RIN1: variants seen among roughly 807,000 people sequenced by gnomAD.
The protein encoded by RIN1 is ras inhibitor 1.
In RIN1, 52 loss-of-function variants were observed where a neutral mutation model predicts 64.9. The observed-to-expected ratio is 0.80, with a 90% CI of 0.64 to 1.01. The LOEUF (loss-of-function observed/expected upper bound fraction) is 1.01, where lower values mean the gene tolerates loss of function less well. Ranked by LOEUF, RIN1 falls within the 50% of genes least tolerant of loss-of-function variation. The pLI is 0.00. For missense variants in RIN1, 1,040 were observed against 1,064.5 expected (o/e 0.98, Z 0.32); for synonymous variants, 486 against 483.6 (o/e 1.00, Z -0.06).
In RIN1 at chr11:66,334,291, G is replaced by T. The variant is rs895342025; in HGVS notation, c.1286-67C>A. ...ATGGGGGGCAGAGGCAAGGGGAGAA[G>T]GGAGCAGGGGTAGAATCGGGGAGGA... On this transcript the variant is annotated intron_variant, in intron 6 of 9. Transcript: ENST00000311320. The T allele has an allele frequency of 3.0e-6, 4 of 1,330,146 alleles. No individual in the cohort carries two copies. The East Asian group carries it at 1.0e-4, about 34-fold the overall frequency. The allele number at this position is 1,330,146 out of a possible 1,614,324, so 82.4% of individuals were successfully genotyped here. A position where few individuals can be genotyped will look rare whatever the true frequency, so the allele number is the denominator to read the frequency against.
In RIN1 at chr11:66,333,910, G is replaced by A. The variant is rs1230707474; in HGVS notation, c.1591+9C>T. ...GGCAGGGCAGGGTGAGGTGGTGGCA[G>A]GGACATACCTTCCTGGGTCCTCAGG... On this transcript the variant is annotated intron_variant, in intron 7 of 9. Coordinates refer to ENST00000311320, the MANE Select transcript of RIN1 (RefSeq NM_004292.3). The A allele has an allele frequency of 6.6e-7, 1 of 1,509,826 alleles. No individual in the cohort carries two copies. Among genetic ancestry groups the A allele is most frequent in the Non-Finnish European group, 8.9e-7 (1 of 1,127,918 alleles). 93.5% of individuals were successfully genotyped at this position (1,509,826 alleles called of 1,614,324 possible).
At position 66,335,700 on chromosome 11, in the gene RIN1, T is replaced by A. The variant is rs1448543187; in HGVS notation, c.383-18A>T. ...GGAGACGCCTGAGAGAGGAGGGAAGTGAGGTGCTTCTCTGGGGAACCTCCC... is the reference window on the plus strand; with the variant it reads ...GGAGACGCCTGAGAGAGGAGGGAAGAGAGGTGCTTCTCTGGGGAACCTCCC... On this transcript the variant is annotated intron_variant, in intron 3 of 9. Transcript: ENST00000311320. 4 of 1,612,698 alleles carry A rather than the reference T, an allele frequency of 2.5e-6. No homozygotes were observed. Among genetic ancestry groups the A allele is most frequent in the Non-Finnish European group, 2.5e-6 (3 of 1,179,448 alleles).
intron 6 of RIN1, 93 bp downstream of exon 6, chr11:66,334,421 A>G: frequency 6.7e-7 from 1 of 1,490,756 alleles, no homozygotes; most frequent in South Asian, 1.2e-5. Flanking sequence ...GGATTTGTAA[A>G]GCAGCAGAAC....
In RIN1 at chr11:66,336,377, G is replaced by A. The variant is rs554788577; in HGVS notation, c.26C>T (p.Ala9Val). MESPGESG[A>V]GSPGAPSPSS... ...CGGGCTGGGGGCTCCAGGAGAGCCCGCGCCTGACTCTCCAGGGCTTTCCAT... is the reference window on the plus strand; with the variant it reads ...CGGGCTGGGGGCTCCAGGAGAGCCCACGCCTGACTCTCCAGGGCTTTCCAT... Residue 9 changes from alanine (A) to valine (V), a missense_variant, in exon 1 of 10, where the codon GCG becomes GTG. By Grantham distance (64) the Ala-to-Val change is moderately conservative. Coordinates refer to ENST00000311320, the MANE Select transcript of RIN1 (RefSeq NM_004292.3). 47 of 1,613,532 alleles carry A rather than the reference G, an allele frequency of 2.9e-5. No homozygotes were observed. The African/African-American group carries it at 2.9e-4, about 10-fold the overall frequency.
At chr11:66,334,348 G>T in intron 6 of RIN1, 124 bp from the exon 7 acceptor site, 1 of 1,227,466 alleles carries the variant, frequency 8.1e-7, no homozygotes, top group Admixed American at 2.6e-5. Flanking sequence ...GGTAGCCTGG[G>T]TGAGACGGAA....
At chr11:66,333,197 A>T in intron 9 of RIN1, 61 bp downstream of exon 9, 1 of 1,576,148 alleles carries the variant, frequency 6.3e-7, no homozygotes, top group East Asian at 2.2e-5. Context: ...TTCACCAAGG[A>T]CAGGAAGGTG....
intron 9 of RIN1, 147 bp from the exon 10 acceptor site, chr11:66,332,899 T>C (rs1411692721): frequency 2.9e-6 from 2 of 683,044 alleles, no homozygotes; most frequent in Admixed American, 3.0e-5. Context: ...AAAAGCTCTA[T>C]GTGCTCCAGG....
Position 66,334,957 on chromosome 11 carries a change from A to G in RIN1, c.842T>C (p.Leu281Pro). 2 of 1,583,324 alleles carry G rather than the reference A, an allele frequency of 1.3e-6. No individual in the cohort carries two copies. Among genetic ancestry groups the G allele is most frequent in the Non-Finnish European group, 1.7e-6 (2 of 1,165,086 alleles). ...CCTCCGTAGCAGCTGGCAAGGGGGC[A>G]GCCGCTCTGTCTGGCTGGGGACTGC... ...PGAVPSQTER[L>P]PPCQLLRRES... The change falls in exon 6 of 10, where the codon CTG becomes CCG. Residue 281 changes from leucine to proline, a missense_variant. Leu to Pro is a moderately conservative substitution (Grantham distance 98, BLOSUM62 -3). Transcript: ENST00000311320.
chr11:66,334,150 G>C lies in RIN1; in HGVS notation c.1360C>G (p.Arg454Gly), dbSNP rs761735439. 2 of 1,539,064 alleles carry C rather than the reference G, an allele frequency of 1.3e-6. No individual in the cohort carries two copies. The highest frequency in any genetic ancestry group is 1.7e-6 in the Non-Finnish European group (2 of 1,146,392). ...LRPILAARLR[R>G]RLAADGSLGR... ...AGGGAGCCGTCTGCGGCAAGCCGGC[G>C]CCGCAGGCGGGCTGCCAGGATGGGC... is the stretch of plus-strand genomic sequence containing the variant. The change falls in exon 7 of 10, where the codon CGC becomes GGC. Residue 454 changes from arginine (R) to glycine (G), a missense_variant. Transcript: ENST00000311320.
chr11:66,334,982 C>G lies in RIN1; in HGVS notation c.817G>C (p.Ala273Pro). 1 of 1,558,786 alleles carries G rather than the reference C, an allele frequency of 6.4e-7. No individual in the cohort carries two copies. The highest frequency in any genetic ancestry group is 1.7e-4 in the Middle Eastern group (1 of 5,796). Residue 273 changes from alanine to proline, a missense_variant, in exon 6 of 10, where the codon GCA (alanine) becomes CCA (proline). By Grantham distance (27) the Ala-to-Pro change is conservative. Transcript: ENST00000311320. ...AGCCGCTCTGTCTGGCTGGGGACTG[C>G]CCCTGGCAGCACGGGGACGGGGGGA... Reference protein sequence around the residue: ...PPPPVPVLPGAVPSQTERLPP... With the variant: ...PPPPVPVLPGPVPSQTERLPP...
In RIN1 at chr11:66,334,868, G is replaced by C; in HGVS notation, c.931C>G (p.Leu311Val). The C allele has an allele frequency of 1.3e-6, 2 of 1,564,360 alleles. No individual in the cohort carries two copies. Among genetic ancestry groups the C allele is most frequent in the East Asian group, 4.7e-5 (2 of 42,382 alleles). Residue 311 changes from leucine to valine, a missense_variant, in exon 6 of 10, where the codon CTC (leucine) becomes GTC (valine). Physicochemically the swap from Leu to Val is conservative, Grantham distance 32. Transcript: ENST00000311320. ...GGGGAGCCGCAGTCCACCTCTTGGA[G>C]GGAGGGCATAGGCGGAAGGCTAGGG... ...SGPSLPPMPS[L>V]QEVDCGSPSS... is the part of the protein sequence containing the mutation.
rs1389766628 is a variant in RIN1 at position 66,336,001 on chromosome 11, T to C, written c.244A>G (p.Met82Val). ...ACCCCCGGGGGCTCGGTCCTCAGCATGTGCAGTGCGGCCGCTGCGTTGGCT... is the reference window on the plus strand; with the variant it reads ...ACCCCCGGGGGCTCGGTCCTCAGCACGTGCAGTGCGGCCGCTGCGTTGGCT... Reference protein sequence around the residue: ...LQANAAAALHMLRTEPPGTFL... With the variant: ...LQANAAAALHVLRTEPPGTFL... The change falls in exon 2 of 10, where the codon ATG (methionine) becomes GTG (valine). Residue 82 changes from methionine to valine, a missense_variant. Physicochemically the swap from Met to Val is conservative, Grantham distance 21. Coordinates refer to ENST00000311320, the MANE Select transcript of RIN1 (RefSeq NM_004292.3). 6 of 1,472,548 alleles carry C rather than the reference T, an allele frequency of 4.1e-6. No individual in the cohort carries two copies. Among genetic ancestry groups the C allele is most frequent in the African/African-American group, 1.4e-5 (1 of 71,058 alleles). The allele number at this position is 1,472,548 out of a possible 1,614,324, so 91.2% of individuals were successfully genotyped here. A position where few individuals can be genotyped will look rare whatever the true frequency, so the allele number is the denominator to read the frequency against.
chr11:66,332,661 T>C lies in RIN1; in HGVS notation c.1967A>G (p.Asn656Ser). The C allele has an allele frequency of 1.9e-6, 3 of 1,587,834 alleles. No individual in the cohort carries two copies. Among genetic ancestry groups the C allele is most frequent in the South Asian group, 2.3e-5 (2 of 86,728 alleles). The change falls in exon 10 of 10, where the codon AAC (asparagine) becomes AGC (serine). Residue 656 changes from asparagine to serine, a missense_variant. Asn to Ser is a conservative substitution (Grantham distance 46). Coordinates refer to ENST00000311320, the MANE Select transcript of RIN1 (RefSeq NM_004292.3). ...TCGGAACTTGGTGGCACAGAGCTGG[T>C]TCAGGGTGGCAATCGAGGCTTCTGG... The part of the protein sequence containing the change: ...VPPEASIATL[N>S]QLCATKFRVT...
In RIN1 at chr11:66,335,983, G is replaced by GGGGCTCGGTCCTCAGCATGTGCAGTGC. The variant is rs758493598; in HGVS notation, c.235_261dup (p.Ala79_Pro87dup). ...GAGTGTGGGGCAAGACTCACCCCCGGGGGCTCGGTCCTCAGCATGTGCAGT... is the reference window on the plus strand; with the variant it reads ...GAGTGTGGGGCAAGACTCACCCCCGGGGGCTCGGTCCTCAGCATGTGCAGTGCGGGCTCGGTCCTCAGCATGTGCAGT... On this transcript the variant is annotated inframe_insertion, in exon 2 of 10. Coordinates refer to ENST00000311320, the MANE Select transcript of RIN1 (RefSeq NM_004292.3). 2 of 1,476,636 alleles carry GGGGCTCGGTCCTCAGCATGTGCAGTGC rather than the reference G, an allele frequency of 1.4e-6. No individual in the cohort carries two copies. Among genetic ancestry groups the GGGGCTCGGTCCTCAGCATGTGCAGTGC allele is most frequent in the East Asian group, 4.7e-5 (2 of 42,248 alleles). 91.5% of individuals were successfully genotyped at this position (1,476,636 alleles called of 1,614,324 possible). A position where few individuals can be genotyped will look rare whatever the true frequency, so the allele number is the denominator to read the frequency against.
chr11:66,332,471 ACTGCCCTC>A lies in RIN1; in HGVS notation c.2149_2156del (p.Glu717TrpfsTer34). 4 of 1,614,044 alleles carry A rather than the reference ACTGCCCTC, an allele frequency of 2.5e-6. No individual in the cohort carries two copies. The highest frequency in any genetic ancestry group is 3.4e-6 in the Non-Finnish European group (4 of 1,180,006). On this transcript the variant is annotated frameshift_variant, in exon 10 of 10. Coordinates refer to ENST00000311320, the MANE Select transcript of RIN1 (RefSeq NM_004292.3). LOFTEE classifies it high-confidence loss of function. ...CTCTGCTTCTTGCCTCTGACTGCCC[ACTGCCCTC>A]CTCCTCTGTCACAGCCCCCTGGGTC...
chr11:66,336,628 A>T, upstream of RIN1: 1 of 517,326 alleles, frequency 1.9e-6, no homozygotes, highest in South Asian at 2.9e-5. Context: ...CAGCTGGGGG[A>T]TGCCACCTCC....
upstream of RIN1, chr11:66,336,744 C>T (rs1211559987): frequency 3.5e-6 from 1 of 285,260 alleles, no homozygotes; most frequent in East Asian, 6.8e-5. Flanking sequence ...TCTGGGGGCA[C>T]CTTTGGCTCT....
chr11:66,336,434 T>G lies in RIN1; in HGVS notation c.-32A>C. 1 of 1,594,244 alleles carries G rather than the reference T, an allele frequency of 6.3e-7. No individual in the cohort carries two copies. Among genetic ancestry groups the G allele is most frequent in the Non-Finnish European group, 8.6e-7 (1 of 1,167,686 alleles). Reference sequence around the variant, plus strand: ...GAGCTCCTTCGCTTCAGGAAGAGAATCCAGTCCCAAGGCAAGGCACGCACA... The same window carrying G: ...GAGCTCCTTCGCTTCAGGAAGAGAAGCCAGTCCCAAGGCAAGGCACGCACA... On this transcript the variant is annotated 5_prime_UTR_variant, in exon 1 of 10. Transcript: ENST00000311320.
At position 66,334,107 on chromosome 11, in the gene RIN1, C is replaced by T. The variant is rs928926323; in HGVS notation, c.1403G>A (p.Gly468Asp). Reference protein sequence around the residue: ...ADGSLGRLAEGLRLARAQGPG... With the variant: ...ADGSLGRLAEDLRLARAQGPG... ...GCCCTGGGCCCGGGCCAGGCGGAGG[C>T]CCTCAGCTAGGCGGCCCAGGGAGCC... The change falls in exon 7 of 10, where the codon GGC becomes GAC. Residue 468 changes from glycine (G) to aspartate (D), a missense_variant. Gly to Asp is a moderately conservative substitution (Grantham distance 94). Coordinates refer to ENST00000311320, the MANE Select transcript of RIN1 (RefSeq NM_004292.3). 4 of 1,556,294 alleles carry T rather than the reference C, an allele frequency of 2.6e-6. No individual in the cohort carries two copies. In the African/African-American group the frequency reaches 4.1e-5, roughly 16 times the overall value.
Sources: gnomAD v4.1 joint callset for allele counts on GRCh38, gnomAD v4.1.1 for gene constraint, MANE v1.5 for transcripts, NCBI Gene and HGNC (gene_info 2026-07-23, HGNC 2026-07-21) for gene names.